Variants in BRPF3 observed in about 807,000 individuals in gnomAD.
The protein encoded by BRPF3 is bromodomain and PHD finger containing 3, also known as bromodomain and PHD finger-containing protein 3.
A neutral mutation model predicts 102.0 loss-of-function variants in BRPF3; 18 were observed. The observed-to-expected ratio is 0.18, with a 90% CI of 0.12 to 0.26. The LOEUF is 0.26. Among genes scored for constraint, BRPF3 ranks in the 10% least tolerant of loss-of-function variants. The pLI is 1.00. For synonymous variants in BRPF3, 570 were observed against 614.2 expected (o/e 0.93, Z 1.06); for missense variants, 1,147 against 1,567.8 (o/e 0.73, Z 4.53).
intron 12 of BRPF3, among the ~76,000 whole-genome samples, chr6:36,229,886 A>G (rs1046665193): frequency 2.0e-5 from 3 of 152,224 alleles, no homozygotes; most frequent in Non-Finnish European, 4.4e-5. Context: ...CAGAAAGTCC[A>G]GACCCTGTAG....
At chr6:36,199,017 T>G (rs550551541) in intron 1 of BRPF3, among the ~76,000 whole-genome samples, 134 of 152,286 alleles carry the variant, frequency 8.8e-4, no homozygotes, top group African/African-American at 3.2e-3. Flanking sequence ...CCACTATAAC[T>G]TCAGAGATCT....
rs919469438 is a variant in BRPF3 at position 36,207,215 on chromosome 6, G to A, written c.1606-98G>A. 4 of 1,499,760 alleles carry A rather than the reference G, an allele frequency of 2.7e-6. No individual in the cohort carries two copies. In the African/African-American group the frequency reaches 5.6e-5, roughly 21 times the overall value. The allele number at this position is 1,499,760 out of a possible 1,614,324, so 92.9% of individuals were successfully genotyped here. On this transcript the variant is annotated intron_variant, in intron 3 of 12. Coordinates refer to ENST00000357641, the MANE Select transcript of BRPF3 (RefSeq NM_015695.3). ...CTTGGAACTGTGGGTCAAGGAAGGG[G>A]ACAAGACTTTTACCTGCTGCAGCCC...
intron 7 of BRPF3, 60 bp downstream of exon 7, chr6:36,211,620 T>C (rs1463051946): frequency 1.3e-6 from 2 of 1,513,584 alleles, no homozygotes; most frequent in African/African-American, 2.8e-5. Context: ...AAGGCTAAGC[T>C]GAAATATCAT....
chr6:36,201,344 A>G lies in BRPF3; in HGVS notation c.1022A>G (p.Lys341Arg). ...CTAGGTGCAGCCATCCAGTGCCATA[A>G]GGTGAACTGCTACACAGCATTCCAT... is the stretch of plus-strand genomic sequence containing the variant. Reference protein sequence around the residue: ...KGLGAAIQCHKVNCYTAFHVT... With the variant: ...KGLGAAIQCHRVNCYTAFHVT... The change falls in exon 2 of 13, where the codon AAG becomes AGG. Residue 341 changes from lysine (K) to arginine (R), a missense_variant. By Grantham distance (26) the Lys-to-Arg change is conservative. Coordinates refer to ENST00000357641, the MANE Select transcript of BRPF3 (RefSeq NM_015695.3). The surrounding 1 kb of genome is among the most constrained non-coding windows in gnomAD (Gnocchi z 5.1). 1 of 1,614,172 alleles carries G rather than the reference A, an allele frequency of 6.2e-7. No individual in the cohort carries two copies. Among genetic ancestry groups the G allele is most frequent in the South Asian group, 1.1e-5 (1 of 91,080 alleles).
At chr6:36,204,019 C>G (rs1224720641) in intron 2 of BRPF3, among the ~76,000 whole-genome samples, 1 of 152,186 alleles carries the variant, frequency 6.6e-6, no homozygotes, top group Non-Finnish European at 1.5e-5. Flanking sequence ...TGGCTTAAAC[C>G]CTGACCTTAA....
chr6:36,222,327 G>GAA, intron 10 of BRPF3, 62 bp downstream of exon 10: 1 of 1,472,858 alleles, frequency 6.8e-7, no homozygotes, highest in Non-Finnish European at 9.3e-7. Context: ...CAGCTCTTCA[G>GAA]GCTGCTGCAC....
chr6:36,224,282 G>A (rs1050329869), intron 10 of BRPF3, among the ~76,000 whole-genome samples: 4 of 152,112 alleles, frequency 2.6e-5, no homozygotes, highest in Admixed American at 6.5e-5. Context: ...GTTAGATTTG[G>A]ACTTTTTTCC....
intron 9 of BRPF3, 139 bp downstream of exon 9, chr6:36,218,149 T>C: frequency 1.5e-6 from 1 of 672,676 alleles, no homozygotes; most frequent in Non-Finnish European, 2.5e-6. Flanking sequence ...GCCTCTTATC[T>C]GTAACTCTGG....
intron 12 of BRPF3, among the ~76,000 whole-genome samples, chr6:36,229,843 A>C (rs947986570): frequency 1.3e-5 from 2 of 152,202 alleles, no homozygotes; most frequent in Non-Finnish European, 2.9e-5. Context: ...TAATCCCCTC[A>C]TAATCCATTT....
intron 12 of BRPF3, among the ~76,000 whole-genome samples, chr6:36,229,258 C>T (rs897104946): frequency 2.6e-5 from 4 of 152,144 alleles, no homozygotes; most frequent in Admixed American, 2.0e-4. Context: ...ACTCTGAGGT[C>T]GAGACTTGCA....
Position 36,200,775 on chromosome 6 carries a change from G to T in BRPF3, c.453G>T (p.Glu151Asp). ...IEKPPEDLDAEVEYDMDEEDL... is the reference protein window; with the variant it reads ...IEKPPEDLDADVEYDMDEEDL... ...AGCCACCTGAAGACCTGGATGCAGA[G>T]GTAGAGTATGACATGGATGAGGAGG... The change falls in exon 2 of 13, where the codon GAG (glutamate) becomes GAT (aspartate). Residue 151 changes from glutamate to aspartate, a missense_variant. Physicochemically the swap from Glu to Asp is conservative, Grantham distance 45 (BLOSUM62 2). Transcript: ENST00000357641. This position sits in a 1 kb window ranked among gnomAD's most constrained non-coding sequence, Gnocchi z 5.3. 3 of 1,614,190 alleles carry T rather than the reference G, an allele frequency of 1.9e-6. No homozygotes were observed. The highest frequency in any genetic ancestry group is 2.5e-6 in the Non-Finnish European group (3 of 1,180,040).
chr6:36,207,479 C>A, intron 4 of BRPF3, 35 bp downstream of exon 4: 1 of 1,608,336 alleles, frequency 6.2e-7, no homozygotes. Flanking sequence ...GGCCCTAGTT[C>A]AAGGCCACTT....
chr6:36,225,753 G>A (rs1286914796), intron 11 of BRPF3, among the ~76,000 whole-genome samples: 1 of 152,172 alleles, frequency 6.6e-6, no homozygotes. Context: ...GAAGAAAACT[G>A]ATGATTTGTG....
At chr6:36,204,928 T>C in intron 3 of BRPF3, 114 bp downstream of exon 3, 6 of 1,404,654 alleles carry the variant, frequency 4.3e-6, no homozygotes, top group African/African-American at 1.4e-5. Flanking sequence ...AGCCTTTGCC[T>C]ACCTGTCTGG....
At chr6:36,208,103 A>T (rs1184703374) in intron 4 of BRPF3, among the ~76,000 whole-genome samples, 2 of 152,228 alleles carry the variant, frequency 1.3e-5, no homozygotes, top group Non-Finnish European at 2.9e-5. Flanking sequence ...GGTTGTTTTG[A>T]GGATTAGATG....
In BRPF3 at chr6:36,214,382, G is replaced by T. The variant is rs1768252842; in HGVS notation, c.2985G>T (p.Glu995Asp). The change falls in exon 8 of 13, where the codon GAG becomes GAT. Residue 995 changes from glutamate (E) to aspartate (D), a missense_variant. Around this residue, in one of 11 missense-constraint regions of BRPF3, gnomAD observed 379 missense variants for 426.3 expected, o/e 0.89. Coordinates refer to ENST00000357641, the MANE Select transcript of BRPF3 (RefSeq NM_015695.3). ...AGAGGTCCCCCCAGCAGGAGGAAGAGACAGGTGACCCTGCCTGTGACTTCT... is the reference window on the plus strand; with the variant it reads ...AGAGGTCCCCCCAGCAGGAGGAAGATACAGGTGACCCTGCCTGTGACTTCT... ...EGERSPQQEE[E>D]TGMTNGFGKH... 1 of 1,569,996 alleles carries T rather than the reference G, an allele frequency of 6.4e-7. No individual in the cohort carries two copies. The highest frequency in any genetic ancestry group is 2.3e-5 in the East Asian group (1 of 44,408).
At chr6:36,199,420 TGGATGGTGTCTTTTGTAG>T (rs1767617622) in intron 1 of BRPF3, among the ~76,000 whole-genome samples, 1 of 152,236 alleles carries the variant, frequency 6.6e-6, no homozygotes, top group Non-Finnish European at 1.5e-5. Context: ...ACTGCTGTCC[TGGATGGTGTCTTTTGTAG>T]GGAATACCCT....
At chr6:36,216,713 T>C (rs1768340854) in intron 8 of BRPF3, among the ~76,000 whole-genome samples, 1 of 152,190 alleles carries the variant, frequency 6.6e-6, no homozygotes, top group South Asian at 2.1e-4. Context: ...TTGGCTCAGC[T>C]GTTAGAATTA....
rs1418989179 is a variant in BRPF3, at chr6:36,199,411, C to T, written c.-26-886C>T. Among the ~76,000 whole-genome samples the T allele has an allele frequency of 2.6e-5, 4 of 152,192 alleles. No individual in the cohort carries two copies. The East Asian group carries it at 7.7e-4, about 29-fold the overall frequency. ...TCCCTGGTGCCAAAAAGGCTGGGGACTGCTGTCCTGGATGGTGTCTTTTGT... is the reference window on the plus strand; with the variant it reads ...TCCCTGGTGCCAAAAAGGCTGGGGATTGCTGTCCTGGATGGTGTCTTTTGT... On this transcript the variant is annotated intron_variant, in intron 1 of 12. Transcript: ENST00000357641.
Sources: allele counts gnomAD v4.1 joint callset (sites outside exome capture counted in the v4.1 genomes callset), GRCh38; gene constraint gnomAD v4.1.1; regional missense constraint gnomAD v4.1.1; non-coding constraint Gnocchi (gnomAD v3.1); transcripts MANE v1.5; gene names NCBI Gene and HGNC (gene_info 2026-07-23, HGNC 2026-07-21).